FNIP1: variants seen among roughly 807,000 people sequenced by gnomAD.
The protein encoded by FNIP1 is folliculin-interacting protein 1.
In FNIP1, 40 loss-of-function variants were observed where a neutral mutation model predicts 124.5. That is an observed-to-expected ratio of 0.32 (90% CI 0.25 to 0.42). FNIP1 has a LOEUF of 0.42. Among genes scored for constraint, FNIP1 ranks in the 10% least tolerant of loss-of-function variants. The pLI is 1.00. For synonymous variants in FNIP1, 472 were observed against 470.6 expected (o/e 1.00, Z -0.04); for missense variants, 1,176 against 1,403.7 (o/e 0.84, Z 2.59).
At chr5:131,658,906 C>A (rs1240391909) in intron 15 of FNIP1, among the ~76,000 whole-genome samples, 1 of 7,290 alleles carries the variant, frequency 1.4e-4, no homozygotes, top group South Asian at 4.0e-3. Context: ...CTGGGTCTAG[C>A]CAAAAAAAAA....
intron 1 of FNIP1, among the ~76,000 whole-genome samples, chr5:131,779,490 C>T (rs1771924697): frequency 6.6e-6 from 1 of 150,670 alleles, no homozygotes. Context: ...CCATCCTGGC[C>T]AACATGGTGA....
In FNIP1 at chr5:131,661,220, T is replaced by TGTGTGTGTGTGTGTGTGTGTG. The variant is rs1554092139; in HGVS notation, c.3109-9222_3109-9221insCACACACACACACACACACAC. On this transcript the variant is annotated intron_variant, in intron 15 of 17. Coordinates refer to ENST00000510461, the MANE Select transcript of FNIP1 (RefSeq NM_133372.3). Reference sequence around the variant, plus strand: ...ACCTTCTGTCCGTCTTGTCTTTGTTTTGTGTGTGTGTGTGTGTGTGTGTGT... The same window carrying TGTGTGTGTGTGTGTGTGTGTG: ...ACCTTCTGTCCGTCTTGTCTTTGTTTGTGTGTGTGTGTGTGTGTGTGTGTGTGTGTGTGTGTGTGTGTGTGT... 1.0e-3 allele frequency among the ~76,000 whole-genome samples: 154 copies of TGTGTGTGTGTGTGTGTGTGTG among 147,734 alleles called. 3 individuals carry two copies. Among genetic ancestry groups the TGTGTGTGTGTGTGTGTGTGTG allele is most frequent in the Middle Eastern group, 7.0e-3 (2 of 284 alleles).
At position 131,744,642 on chromosome 5, in the gene FNIP1, A is replaced by C. The variant is rs1258560985; in HGVS notation, c.141T>G (p.Tyr47Ter). Residue 47 changes from tyrosine to a stop codon, truncating the protein, a stop_gained, in exon 2 of 18, where the codon TAT (tyrosine) becomes TAG (stop). Transcript: ENST00000510461. LOFTEE classifies it high-confidence loss of function. The part of the protein sequence containing the change: ...FDPSQIRLIV[Y>*]QDCERRGRNV... ...TTCTCCCTCGTCTTTCACAGTCTTG[A>C]TATACAATCAGTCGAATCTGGCTTG... 1 of 1,611,930 alleles carries C rather than the reference A, an allele frequency of 6.2e-7. No homozygotes were observed. The highest frequency in any genetic ancestry group is 1.3e-5 in the African/African-American group (1 of 74,846).
intron 11 of FNIP1, among the ~76,000 whole-genome samples, chr5:131,693,297 CA>C (rs1768547341): frequency 3.7e-5 from 1 of 27,034 alleles, no homozygotes; most frequent in Non-Finnish European, 8.3e-5. Flanking sequence ...TAAATATATA[CA>C]TATATATATA....
rs1339900776 is a variant in FNIP1 at position 131,706,555 on chromosome 5, T to C, written c.779-9A>G. On this transcript the variant is annotated splice_polypyrimidine_tract_variant and intron_variant, in intron 8 of 17. Coordinates refer to ENST00000510461, the MANE Select transcript of FNIP1 (RefSeq NM_133372.3). ...CAAGCTGCTGAGAGATGCTGTTAAGTCAGAAGAACAACAAGTATAAGTCAA... is the reference window on the plus strand; with the variant it reads ...CAAGCTGCTGAGAGATGCTGTTAAGCCAGAAGAACAACAAGTATAAGTCAA... 8 of 1,561,198 alleles carry C rather than the reference T, an allele frequency of 5.1e-6. No individual in the cohort carries two copies. The highest frequency in any genetic ancestry group is 6.9e-6 in the Non-Finnish European group (8 of 1,153,826).
intron 1 of FNIP1, among the ~76,000 whole-genome samples, chr5:131,749,695 T>C (rs1444051336): frequency 2.0e-5 from 3 of 152,098 alleles, no homozygotes; most frequent in Admixed American, 2.0e-4. Flanking sequence ...CCCGGCCTAC[T>C]TTTTATCTTT....
At chr5:131,747,017 T>C (rs1318035184) in intron 1 of FNIP1, among the ~76,000 whole-genome samples, 1 of 152,208 alleles carries the variant, frequency 6.6e-6, no homozygotes, top group East Asian at 1.9e-4. Flanking sequence ...TTTGTCTTTC[T>C]CTGATGACTA....
At chr5:131,671,302 C>T (rs577360890) in intron 14 of FNIP1, among the ~76,000 whole-genome samples, 14 of 152,306 alleles carry the variant, frequency 9.2e-5, no homozygotes, top group African/African-American at 2.6e-4. Flanking sequence ...GATCCTTTAA[C>T]TTTTATTTGA....
At chr5:131,752,811 T>A (rs557870285) in intron 1 of FNIP1, among the ~76,000 whole-genome samples, 1 of 152,334 alleles carries the variant, frequency 6.6e-6, no homozygotes, top group African/African-American at 2.4e-5. Flanking sequence ...CTCACGCCTG[T>A]AATCCCAGCA....
chr5:131,690,352 A>G (rs1034529642), intron 11 of FNIP1, among the ~76,000 whole-genome samples: 1 of 152,196 alleles, frequency 6.6e-6, no homozygotes, highest in African/African-American at 2.4e-5. Context: ...TCCCTACCCA[A>G]ATCTCATCTT....
chr5:131,680,371 A>G lies in FNIP1; in HGVS notation c.1203-1196T>C, dbSNP rs562096281. 1.1e-3 allele frequency among the ~76,000 whole-genome samples: 175 copies of G among 152,370 alleles called. 1 individual carries two copies. The highest frequency in any genetic ancestry group is 0.01 in the Middle Eastern group (3 of 294). The stretch of plus-strand genomic sequence containing the variant: ...TGGATAGAAACAATAAGAACAGGTC[A>G]CTTTAATGAGCTCTCTGTAGAACAT... On this transcript the variant is annotated intron_variant, in intron 11 of 17. Coordinates refer to ENST00000510461, the MANE Select transcript of FNIP1 (RefSeq NM_133372.3).
chr5:131,766,683 T>G (rs1771436854), intron 1 of FNIP1, among the ~76,000 whole-genome samples: 1 of 152,082 alleles, frequency 6.6e-6, no homozygotes, highest in African/African-American at 2.4e-5. Context: ...CATGGCTCAG[T>G]CCAAATCCAA....
chr5:131,672,436 A>T lies in FNIP1; in HGVS notation c.2008T>A (p.Leu670Ile), dbSNP rs780053197. The T allele has an allele frequency of 3.1e-6, 5 of 1,613,620 alleles. No homozygotes were observed. The highest frequency in any genetic ancestry group is 4.2e-6 in the Non-Finnish European group (5 of 1,180,036). ...AVDVKQYRDK[L>I]RTCFDAKLET... ...AACTTGGCGTCAAAGCAAGTTCTTAATTTATCTCTGTACTGTTTAACATCA... is the reference window on the plus strand; with the variant it reads ...AACTTGGCGTCAAAGCAAGTTCTTATTTTATCTCTGTACTGTTTAACATCA... The change falls in exon 14 of 18, where the codon TTA (leucine) becomes ATA (isoleucine). Residue 670 changes from leucine (L) to isoleucine (I), a missense_variant. By Grantham distance (5) the Leu-to-Ile change is conservative. This residue lies in a region of FNIP1 where 1,109 missense variants were observed against 1,288.5 expected (regional missense o/e 0.86). Coordinates refer to ENST00000510461, the MANE Select transcript of FNIP1 (RefSeq NM_133372.3).
intron 2 of FNIP1, among the ~76,000 whole-genome samples, chr5:131,733,725 G>C (rs1347747781): frequency 6.6e-6 from 1 of 152,174 alleles, no homozygotes; most frequent in Non-Finnish European, 1.5e-5. Context: ...GCTGGATTTG[G>C]TTTGCCAGTA....
chr5:131,668,662 G>A (rs902752111), intron 15 of FNIP1, among the ~76,000 whole-genome samples: 3 of 152,156 alleles, frequency 2.0e-5, no homozygotes, highest in Non-Finnish European at 4.4e-5. Flanking sequence ...TCCAGCCTGG[G>A]TAACAGAGCT....
chr5:131,679,267 T>C (rs1768002248), intron 11 of FNIP1, 92 bp from the exon 12 acceptor site: 2 of 748,220 alleles, frequency 2.7e-6, no homozygotes, highest in South Asian at 1.7e-5. Flanking sequence ...GCTTGGTCCT[T>C]ACATCTAGAT....
chr5:131,664,074 C>A (rs1239581789), intron 15 of FNIP1, among the ~76,000 whole-genome samples: 1 of 152,082 alleles, frequency 6.6e-6, no homozygotes, highest in African/African-American at 2.4e-5. Context: ...AAAGGAAGTT[C>A]TGTAGGTATA....
At position 131,672,293 on chromosome 5, in the gene FNIP1, G is replaced by A; in HGVS notation, c.2151C>T (p.His717=). ...QSEKLLDSDS[H]TGKAMRSTGM... is the part of the protein sequence containing the mutation. Reference sequence around the variant, plus strand: ...CTGTGGATCTCATTGCTTTGCCTGTGTGACTGTCTGAATCCAGCAACTTCT... The same window carrying A: ...CTGTGGATCTCATTGCTTTGCCTGTATGACTGTCTGAATCCAGCAACTTCT... The change falls in exon 14 of 18, where the codon CAC becomes CAT. Residue 717 remains histidine, a synonymous_variant. Transcript: ENST00000510461. 1.2e-6 allele frequency: 2 copies of A among 1,614,102 alleles called. No individual in the cohort carries two copies. The highest frequency in any genetic ancestry group is 2.2e-5 in the South Asian group (2 of 91,074).
At chr5:131,684,782 T>C (rs531369018) in intron 11 of FNIP1, among the ~76,000 whole-genome samples, 13 of 152,320 alleles carry the variant, frequency 8.5e-5, no homozygotes, top group Admixed American at 7.2e-4. Context: ...ATAATGACAG[T>C]GTTTCCTCAG....
Sources: gnomAD v4.1 joint callset for allele counts (sites outside exome capture counted in the v4.1 genomes callset) on GRCh38, gnomAD v4.1.1 for gene constraint, gnomAD v4.1.1 regional missense constraint, MANE v1.5 for transcripts, NCBI Gene and HGNC (gene_info 2026-07-23, HGNC 2026-07-21) for gene names.